C1orf159: variants seen among roughly 807,000 people sequenced by gnomAD.
C1orf159 encodes uncharacterized protein C1orf159.
In C1orf159, 19 loss-of-function variants were observed where a neutral mutation model predicts 25.6. The ratio of observed to expected loss-of-function variants is 0.74; its 90% CI spans 0.52 to 1.09. The LOEUF is 1.09. Ranked by LOEUF, C1orf159 falls within the 50% of genes least tolerant of loss-of-function variation. C1orf159 has a pLI of 0.00. For missense variants in C1orf159, 274 were observed against 290.6 expected (o/e 0.94, Z 0.42); for synonymous variants, 139 against 124.7 (o/e 1.12, Z -0.77).
intron 1 of C1orf159, among the ~76,000 whole-genome samples, chr1:1,113,875 C>G (rs1646296681): frequency 6.6e-6 from 1 of 150,612 alleles, no homozygotes; most frequent in Non-Finnish European, 1.5e-5. Context: ...GGAGCATGCA[C>G]AGAGTTTACT....
At chr1:1,090,586 G>T in intron 3 of C1orf159, 158 bp from the exon 4 acceptor site, 2 of 793,198 alleles carry the variant, frequency 2.5e-6, no homozygotes, top group Non-Finnish European at 4.1e-6. Context: ...TCCCCTGTGG[G>T]CCTGGGAGCA....
intron 1 of C1orf159, 91 bp from the exon 2 acceptor site, chr1:1,092,194 G>A (rs1025411672): frequency 6.0e-6 from 2 of 335,860 alleles, no homozygotes; most frequent in Non-Finnish European, 1.2e-5. Context: ...GTCCGGTCCG[G>A]GCCCTCTGTC....
rs541917054 is a variant in C1orf159 at position 1,083,484 on chromosome 1, C to T, written c.503-497G>A. On this transcript the variant is annotated intron_variant, in intron 9 of 9. Coordinates refer to ENST00000421241, the MANE Select transcript of C1orf159 (RefSeq NM_017891.5). ...AGAGAAGACGCAGAGGTGGGGGAGA[C>T]GCCGTGGGACCAGGGGACAGAGACG... is the stretch of plus-strand genomic sequence containing the variant. 4.8e-4 allele frequency: 104 copies of T among 216,052 alleles called. No homozygotes were observed. The Middle Eastern group carries it at 7.1e-3, about 15-fold the overall frequency. 13.4% of individuals were successfully genotyped at this position (216,052 alleles called of 1,614,324 possible).
intron 1 of C1orf159, among the ~76,000 whole-genome samples, chr1:1,113,889 GT>G (rs1646296971): frequency 6.7e-6 from 1 of 149,772 alleles, no homozygotes; most frequent in African/African-American, 2.4e-5. Context: ...GTTTACTGGA[GT>G]TGTGCGCACG....
chr1:1,098,076 AT>A lies in C1orf159; in HGVS notation c.-135-5974del, dbSNP rs34457162. Among the ~76,000 whole-genome samples the A allele has an allele frequency of 2.1e-3, 312 of 146,904 alleles. 2 individuals are homozygous for A. Among genetic ancestry groups the A allele is most frequent in the East Asian group, 5.9e-3 (30 of 5,050 alleles). On this transcript the variant is annotated intron_variant, in intron 1 of 9. Transcript: ENST00000421241. ...TATTTTTTCCCCACCTGAGTTACAA[AT>A]TTTTTTTTTTTGAAACAGTCTCGCT...
intron 3 of C1orf159, chr1:1,091,071 T>TC (rs1645923602): frequency 1.8e-6 from 2 of 1,116,548 alleles, no homozygotes; most frequent in Non-Finnish European, 2.6e-6. Flanking sequence ...CCAGGTCCGG[T>TC]CCCTCAAACG....
chr1:1,105,505 C>CA (rs112666407), intron 1 of C1orf159, among the ~76,000 whole-genome samples: 2,631 of 149,432 alleles, frequency 0.018, 77 homozygotes, highest in African/African-American at 0.061. Flanking sequence ...GACCCCATCT[C>CA]AAAAAAAAAT....
chr1:1,107,798 C>T (rs908000924), intron 1 of C1orf159, among the ~76,000 whole-genome samples: 7 of 152,176 alleles, frequency 4.6e-5, no homozygotes, highest in African/African-American at 1.7e-4. Flanking sequence ...ATAAATCTTG[C>T]TGCTGCTCAC....
intron 1 of C1orf159, among the ~76,000 whole-genome samples, chr1:1,111,456 G>A (rs1324922846): frequency 1.3e-5 from 2 of 151,888 alleles, no homozygotes; most frequent in Admixed American, 6.6e-5. Context: ...AATCTCTTGA[G>A]CCTGGGAGGT....
At chr1:1,093,087 G>T (rs1425237864) in intron 1 of C1orf159, among the ~76,000 whole-genome samples, 1 of 151,860 alleles carries the variant, frequency 6.6e-6, no homozygotes, top group African/African-American at 2.4e-5. Context: ...TCTCTGATGT[G>T]AAATCCTTTC....
Position 1,086,135 on chromosome 1 carries a change from C to CT in C1orf159, c.311-124_311-123insA, listed in dbSNP as rs1277511509. 4 of 1,239,332 alleles carry CT rather than the reference C, an allele frequency of 3.2e-6. No homozygotes were observed. In the East Asian group the frequency reaches 1.0e-4, roughly 32 times the overall value. 76.8% of individuals were successfully genotyped at this position (1,239,332 alleles called of 1,614,324 possible). A position where few individuals can be genotyped will look rare whatever the true frequency, so the allele number is the denominator to read the frequency against. ...TGAACATGCCTGAGCCTCACGGGAC[C>CT]GGCTGTGGGTGCCGAGGGCTCTGCA... On this transcript the variant is annotated intron_variant, in intron 6 of 9. Coordinates refer to ENST00000421241, the MANE Select transcript of C1orf159 (RefSeq NM_017891.5).
Position 1,086,030 on chromosome 1 carries a change from T to G in C1orf159, c.311-18A>C. 6.2e-7 allele frequency: 1 copy of G among 1,612,154 alleles called. No individual in the cohort carries two copies. The highest frequency in any genetic ancestry group is 8.5e-7 in the Non-Finnish European group (1 of 1,179,576). ...CGGAGCCCCTGCAAACAGACACCGCTGAGCAGACGGGCAGGACGGTGGCCC... is the reference window on the plus strand; with the variant it reads ...CGGAGCCCCTGCAAACAGACACCGCGGAGCAGACGGGCAGGACGGTGGCCC... On this transcript the variant is annotated intron_variant, in intron 6 of 9. Coordinates refer to ENST00000421241, the MANE Select transcript of C1orf159 (RefSeq NM_017891.5).
In C1orf159 at chr1:1,099,938, C is replaced by G. The variant is rs111822597; in HGVS notation, c.-135-7835G>C. 6.5e-3 allele frequency among the ~76,000 whole-genome samples: 681 copies of G among 105,442 alleles called. 7 individuals are homozygous for G. The highest frequency in any genetic ancestry group is 0.035 in the African/African-American group (645 of 18,360). 69.2% of individuals were successfully genotyped at this position (105,442 alleles called of 152,430 possible). ...GGTTTTTGCAGTCACTTTCTGCCTACTTGTGTTTTTTATATTTAAAGTGCA... is the reference window on the plus strand; with the variant it reads ...GGTTTTTGCAGTCACTTTCTGCCTAGTTGTGTTTTTTATATTTAAAGTGCA... On this transcript the variant is annotated intron_variant, in intron 1 of 9. Transcript: ENST00000421241.
intron 1 of C1orf159, among the ~76,000 whole-genome samples, chr1:1,097,861 ATTTGTC>A (rs1348413752): frequency 4.0e-5 from 6 of 151,778 alleles, no homozygotes; most frequent in Non-Finnish European, 5.9e-5. Flanking sequence ...TGATTTCTGT[ATTTGTC>A]TTTATTTCCC....
chr1:1,104,918 T>C (rs961424956), intron 1 of C1orf159, among the ~76,000 whole-genome samples: 4 of 152,248 alleles, frequency 2.6e-5, no homozygotes, highest in African/African-American at 9.6e-5. Context: ...GATGTAAACC[T>C]GTTCACTGTC....
At chr1:1,097,972 G>C (rs1646032522) in intron 1 of C1orf159, among the ~76,000 whole-genome samples, 1 of 152,010 alleles carries the variant, frequency 6.6e-6, no homozygotes, top group Non-Finnish European at 1.5e-5. Flanking sequence ...AGAGTTCTAA[G>C]TATTGCTTTA....
chr1:1,098,145 T>C (rs1270664749), intron 1 of C1orf159, among the ~76,000 whole-genome samples: 4 of 152,168 alleles, frequency 2.6e-5, no homozygotes, highest in Non-Finnish European at 5.9e-5. Context: ...CTTGGCTCAC[T>C]GCCAGCTCCA....
intron 1 of C1orf159, among the ~76,000 whole-genome samples, chr1:1,115,529 C>T (rs1646324462): frequency 7.6e-6 from 1 of 132,170 alleles, no homozygotes; most frequent in Non-Finnish European, 1.7e-5. Flanking sequence ...CCTCCCCTCC[C>T]CAGGTGCCCC....
intron 4 of C1orf159, among the ~76,000 whole-genome samples, chr1:1,088,731 G>A (rs1324195268): frequency 2.0e-5 from 3 of 152,262 alleles, no homozygotes; most frequent in East Asian, 1.9e-4. Flanking sequence ...GGCCACGGGT[G>A]GACCACACGC....
Sources: gnomAD v4.1 joint callset for allele counts (sites outside exome capture counted in the v4.1 genomes callset) on GRCh38, gnomAD v4.1.1 for gene constraint, MANE v1.5 for transcripts, NCBI Gene and HGNC (gene_info 2026-07-23, HGNC 2026-07-21) for gene names.